The following PLAG1 variants were observed in gnomAD, a reference collection of about 807,000 sequenced individuals.
PLAG1 encodes the protein PLAG1 zinc finger.
PLAG1 carries 7 observed loss-of-function variants against 35.5 expected under a neutral mutation model. The ratio of observed to expected loss-of-function variants is 0.20; its 90% CI spans 0.11 to 0.37. The LOEUF (loss-of-function observed/expected upper bound fraction) is 0.37, where lower values mean the gene tolerates loss of function less well. Ranked by LOEUF, PLAG1 falls within the 10% of genes least tolerant of loss-of-function variation. The probability of loss-of-function intolerance (pLI) is 1.00; values close to 1 mark genes in which losing one functional copy is unlikely to be tolerated. For missense variants in PLAG1, 454 were observed against 602.8 expected (o/e 0.75, Z 2.58); for synonymous variants, 229 against 225.4 (o/e 1.02, Z -0.14).
At position 56,163,478 on chromosome 8, in the gene PLAG1, A is replaced by G. The variant is rs1811266391; in HGVS notation, c.*2765T>C. 5.0e-6 allele frequency: 1 copy of G among 199,298 alleles called. No homozygotes were observed. Among genetic ancestry groups the G allele is most frequent in the African/African-American group, 2.3e-5 (1 of 43,358 alleles). 12.3% of individuals were successfully genotyped at this position (199,298 alleles called of 1,614,324 possible). A position where few individuals can be genotyped will look rare whatever the true frequency, so the allele number is the denominator to read the frequency against. On this transcript the variant is annotated 3_prime_UTR_variant, in exon 5 of 5. Coordinates refer to ENST00000316981, the MANE Select transcript of PLAG1 (RefSeq NM_002655.3). Reference sequence around the variant, plus strand: ...TCTCAAAAAGGGTTTAGTGACCACTACAGTCAATTTTAAAAACAAATTAGC... The same window carrying G: ...TCTCAAAAAGGGTTTAGTGACCACTGCAGTCAATTTTAAAAACAAATTAGC...
chr8:56,179,907 A>C (rs111776263), intron 1 of PLAG1, among the ~76,000 whole-genome samples: 1 of 152,062 alleles, frequency 6.6e-6, no homozygotes, highest in African/African-American at 2.4e-5. Context: ...TATGGGAGAA[A>C]TCTTGCCCCA....
At position 56,168,090 on chromosome 8, in the gene PLAG1, C is replaced by T; in HGVS notation, c.180G>A (p.Arg60=). The T allele has an allele frequency of 6.2e-7, 1 of 1,613,026 alleles. No homozygotes were observed. The highest frequency in any genetic ancestry group is 1.1e-5 in the South Asian group (1 of 91,052). ...AGTCTTGTTGTATGCACTTGTAGGG[C>T]CTCTCTCCTGTGTGAGAGTAGGAGT... ...KVHSYSHTGE[R]PYKCIQQDCT... is the part of the protein sequence containing the mutation. The change falls in exon 4 of 5, where the codon AGG becomes AGA. Residue 60 remains arginine (R), a synonymous_variant. Transcript: ENST00000316981.
At chr8:56,193,907 ATGGGGTTTCACCATGTTAGCCAG>A (rs1267411790) in intron 1 of PLAG1, among the ~76,000 whole-genome samples, 1 of 151,890 alleles carries the variant, frequency 6.6e-6, no homozygotes, top group Non-Finnish European at 1.5e-5. Flanking sequence ...TTTAGTAGAG[ATGGGGTTTCACCATGTTAGCCAG>A]GATGGTCTCG....
At chr8:56,187,241 GAGA>G (rs1170640263) in intron 1 of PLAG1, among the ~76,000 whole-genome samples, 9 of 152,188 alleles carry the variant, frequency 5.9e-5, no homozygotes, top group Admixed American at 2.0e-4. Flanking sequence ...GTGTTACAGA[GAGA>G]AGGTCTTTCC....
At chr8:56,188,624 A>G (rs897335164) in intron 1 of PLAG1, among the ~76,000 whole-genome samples, 3 of 152,176 alleles carry the variant, frequency 2.0e-5, no homozygotes, top group African/African-American at 7.2e-5. Context: ...CTTTACTGAC[A>G]ATGATCAGAA....
In PLAG1 at chr8:56,169,179, C is replaced by T. The variant is rs577868044; in HGVS notation, c.-117-793G>A. On this transcript the variant is annotated intron_variant, in intron 3 of 4. Transcript: ENST00000316981. ...AGGCACACTGAGGTTAGTAGGTAAACGAGTCAGCAGGCATCCCCAAGAGCT... is the reference window on the plus strand; with the variant it reads ...AGGCACACTGAGGTTAGTAGGTAAATGAGTCAGCAGGCATCCCCAAGAGCT... Among the ~76,000 whole-genome samples, 51 of 152,234 alleles carry T rather than the reference C, an allele frequency of 3.4e-4. 1 individual carries two copies. In the South Asian group the frequency reaches 9.8e-3, roughly 29 times the overall value.
At chr8:56,176,503 A>AT (rs1811700694) in intron 2 of PLAG1, among the ~76,000 whole-genome samples, 1 of 152,114 alleles carries the variant, frequency 6.6e-6, no homozygotes, top group Non-Finnish European at 1.5e-5. Flanking sequence ...AGATATTTTC[A>AT]TTTTTTTCAC....
intron 1 of PLAG1, among the ~76,000 whole-genome samples, chr8:56,210,515 G>A (rs1176268511): frequency 1.3e-5 from 2 of 150,646 alleles, no homozygotes; most frequent in Non-Finnish European, 2.9e-5. Context: ...CATTTCTCCA[G>A]AAAAGAAAAA....
intron 2 of PLAG1, among the ~76,000 whole-genome samples, chr8:56,176,587 A>G (rs1297765495): frequency 6.6e-6 from 1 of 152,192 alleles, no homozygotes; most frequent in Non-Finnish European, 1.5e-5. Context: ...TGCCTCAGAG[A>G]GCAAAGAAGG....
At chr8:56,200,726 C>T (rs1056896096) in intron 1 of PLAG1, among the ~76,000 whole-genome samples, 3 of 152,170 alleles carry the variant, frequency 2.0e-5, no homozygotes, top group African/African-American at 7.2e-5. Context: ...ATTCCTCTCA[C>T]CTGAACAGCC....
At chr8:56,209,022 T>C (rs1812776118) in intron 1 of PLAG1, among the ~76,000 whole-genome samples, 1 of 152,226 alleles carries the variant, frequency 6.6e-6, no homozygotes, top group Admixed American at 6.5e-5. Flanking sequence ...CTGCTTACAA[T>C]TTTAAAGAAT....
chr8:56,188,494 G>A (rs1812087094), intron 1 of PLAG1, among the ~76,000 whole-genome samples: 1 of 152,186 alleles, frequency 6.6e-6, no homozygotes, highest in African/African-American at 2.4e-5. Context: ...GCAACTTTAA[G>A]TAAACTTACA....
Position 56,165,579 on chromosome 8 carries a change from C to G in PLAG1, c.*664G>C. ...TGACACGAAATGCCATGTCACCTAA[C>G]AGAGTCTCTTTTTGCTATAAATACT... is the stretch of plus-strand genomic sequence containing the variant. On this transcript the variant is annotated 3_prime_UTR_variant, in exon 5 of 5. Coordinates refer to ENST00000316981, the MANE Select transcript of PLAG1 (RefSeq NM_002655.3). 1 of 205,122 alleles carries G rather than the reference C, an allele frequency of 4.9e-6. No homozygotes were observed. Among genetic ancestry groups the G allele is most frequent in the Non-Finnish European group, 1.0e-5 (1 of 100,166 alleles). 12.7% of individuals were successfully genotyped at this position (205,122 alleles called of 1,614,324 possible).
intron 1 of PLAG1, among the ~76,000 whole-genome samples, chr8:56,189,056 C>G (rs139565920): frequency 6.6e-6 from 1 of 152,232 alleles, no homozygotes; most frequent in East Asian, 1.9e-4. Flanking sequence ...CTTTTACTGA[C>G]CAGTTCTGTA....
At chr8:56,182,053 T>C (rs1811883862) in intron 1 of PLAG1, among the ~76,000 whole-genome samples, 1 of 152,230 alleles carries the variant, frequency 6.6e-6, no homozygotes. Context: ...AATTTATACA[T>C]GCTGTACGGA....
At chr8:56,210,062 C>T (rs537583302) in intron 1 of PLAG1, among the ~76,000 whole-genome samples, 1 of 152,310 alleles carries the variant, frequency 6.6e-6, no homozygotes, top group Non-Finnish European at 1.5e-5. Context: ...CCACCTCCCC[C>T]CTCGCTCCCC....
At chr8:56,179,022 A>T (rs1563380022) in intron 2 of PLAG1, among the ~76,000 whole-genome samples, 1 of 127,020 alleles carries the variant, frequency 7.9e-6, no homozygotes, top group East Asian at 2.4e-4. Context: ...CGCCCAGGAG[A>T]CAAAAAAAAA....
chr8:56,168,470 A>T (rs540259993), intron 3 of PLAG1, 84 bp from the exon 4 acceptor site: 22 of 531,978 alleles, frequency 4.1e-5, no homozygotes, highest in African/African-American at 1.9e-4. Flanking sequence ...CTTTTGAATT[A>T]AAAAAGAAAC....
intron 1 of PLAG1, among the ~76,000 whole-genome samples, chr8:56,184,111 C>T (rs56699713): frequency 0.21 from 32,379 of 151,898 alleles, 3,781 homozygotes; most frequent in African/African-American, 0.31. Flanking sequence ...ACTACTTGCA[C>T]CCAGAATATA....
Sources: allele counts gnomAD v4.1 joint callset (sites outside exome capture counted in the v4.1 genomes callset), GRCh38; gene constraint gnomAD v4.1.1; transcripts MANE v1.5; gene names NCBI Gene and HGNC (gene_info 2026-07-23, HGNC 2026-07-21).